The following RBFOX1 variants were observed in gnomAD, a reference collection of about 807,000 sequenced individuals.
The protein encoded by RBFOX1 is RNA binding protein fox-1 homolog 1.
In RBFOX1, 8 loss-of-function variants were observed where a neutral mutation model predicts 57.7. The ratio of observed to expected loss-of-function variants is 0.14; its 90% CI spans 0.08 to 0.25. The LOEUF (loss-of-function observed/expected upper bound fraction) is 0.25. RBFOX1 is among the 10% of genes least tolerant of loss of function. RBFOX1 has a pLI of 1.00. For synonymous variants in RBFOX1, 326 were observed against 222.4 expected, an observed-to-expected ratio of 1.47 and a Z score of -4.15; for missense variants, 611 against 548.5, an observed-to-expected ratio of 1.11 and a Z score of -1.14.
chr16:7,517,029 T>C (rs532347343), intron 4 of RBFOX1, among the ~76,000 whole-genome samples: 1 of 152,212 alleles, frequency 6.6e-6, no homozygotes, highest in East Asian at 1.9e-4. Flanking sequence ...GGCAGCTATT[T>C]GGTGTGCCTA....
intron 2 of RBFOX1, among the ~76,000 whole-genome samples, chr16:5,574,066 G>C (rs1208893158): frequency 6.6e-6 from 1 of 152,216 alleles, no homozygotes; most frequent in African/African-American, 2.4e-5. Flanking sequence ...ATGAGCTCTT[G>C]AGATTTTTAT....
At chr16:6,649,168 A>AT (rs1568039043) in intron 2 of RBFOX1, among the ~76,000 whole-genome samples, 1 of 152,034 alleles carries the variant, frequency 6.6e-6, no homozygotes, top group African/African-American at 2.4e-5. Flanking sequence ...TTTTTAGTAT[A>AT]TTTTTTGTAT....
chr16:6,008,412 C>T (rs150915778), intron 4 of RBFOX1, among the ~76,000 whole-genome samples: 1 of 152,162 alleles, frequency 6.6e-6, no homozygotes, highest in East Asian at 1.9e-4. Flanking sequence ...GAAGAAGATA[C>T]TAAGACAGTA....
chr16:5,652,704 C>T (rs1341960570), intron 3 of RBFOX1, among the ~76,000 whole-genome samples: 2 of 152,146 alleles, frequency 1.3e-5, no homozygotes, highest in African/African-American at 2.4e-5. Flanking sequence ...ATAAATGTGC[C>T]TTTCAGAGAG....
chr16:7,519,593 C>T, intron 5 of RBFOX1: 1 of 461,446 alleles, frequency 2.2e-6, no homozygotes, highest in South Asian at 9.2e-5. Context: ...TTGTGTGCCA[C>T]CTAAAGTAAT....
At chr16:5,539,740 C>G (rs1031054031) in intron 2 of RBFOX1, among the ~76,000 whole-genome samples, 5 of 152,156 alleles carry the variant, frequency 3.3e-5, no homozygotes, top group Non-Finnish European at 5.9e-5. Flanking sequence ...CCATTGTGTT[C>G]TCATGTTGGG....
chr16:7,618,510 G>A (rs550475918), intron 10 of RBFOX1, among the ~76,000 whole-genome samples: 3 of 152,010 alleles, frequency 2.0e-5, no homozygotes, highest in South Asian at 2.1e-4. Flanking sequence ...AATTACCAGC[G>A]ATTTCAAACG....
intron 4 of RBFOX1, among the ~76,000 whole-genome samples, chr16:7,323,608 A>G (rs1161937140): frequency 6.6e-6 from 1 of 152,216 alleles, no homozygotes; most frequent in Non-Finnish European, 1.5e-5. Context: ...GCCTTGGCCA[A>G]TTCACTTCCC....
At chr16:6,375,590 C>A (rs1049301417) in intron 2 of RBFOX1, among the ~76,000 whole-genome samples, 1 of 151,980 alleles carries the variant, frequency 6.6e-6, no homozygotes, top group African/African-American at 2.4e-5. Context: ...GATTCTCTGC[C>A]CCTTCTGTAA....
intron 4 of RBFOX1, among the ~76,000 whole-genome samples, chr16:5,870,845 T>A (rs991890694): frequency 1.2e-4 from 19 of 152,268 alleles, no homozygotes; most frequent in Non-Finnish European, 2.5e-4. Flanking sequence ...TAAGGTCCTT[T>A]TCCTTCTCAA....
At chr16:6,962,490 G>A (rs776837099) in intron 3 of RBFOX1, among the ~76,000 whole-genome samples, 7 of 152,190 alleles carry the variant, frequency 4.6e-5, no homozygotes, top group Admixed American at 3.3e-4. Context: ...TATAGCCGCA[G>A]TGTGTCCCTG....
chr16:6,362,531 A>T (rs1404843659), intron 2 of RBFOX1, among the ~76,000 whole-genome samples: 1 of 152,240 alleles, frequency 6.6e-6, no homozygotes. Flanking sequence ...GTGCCAGGAC[A>T]TATGAAATTA....
At chr16:6,656,945 T>TTCCTC (rs1297301034) in intron 3 of RBFOX1, among the ~76,000 whole-genome samples, 6 of 8,344 alleles carry the variant, frequency 7.2e-4, no homozygotes, top group African/African-American at 1.1e-3. Flanking sequence ...CTCCTCCCCT[T>TTCCTC]TCCTCTCCTC....
chr16:5,667,051 C>T (rs1308631883), intron 3 of RBFOX1, among the ~76,000 whole-genome samples: 1 of 152,210 alleles, frequency 6.6e-6, no homozygotes, highest in African/African-American at 2.4e-5. Context: ...GATAAGATGC[C>T]TGTTCTGCCG....
At chr16:6,007,852 A>C (rs2094936423) in intron 4 of RBFOX1, among the ~76,000 whole-genome samples, 1 of 152,096 alleles carries the variant, frequency 6.6e-6, no homozygotes, top group African/African-American at 2.4e-5. Flanking sequence ...GGGGACATTG[A>C]TGACATCTGT....
intron 4 of RBFOX1, among the ~76,000 whole-genome samples, chr16:7,275,692 G>A (rs1452960474): frequency 1.3e-5 from 2 of 152,192 alleles, no homozygotes; most frequent in African/African-American, 2.4e-5. Context: ...CTCTCTCCCA[G>A]GATTATAGGT....
At chr16:5,562,747 T>A (rs1206918610) in intron 2 of RBFOX1, among the ~76,000 whole-genome samples, 2 of 152,162 alleles carry the variant, frequency 1.3e-5, no homozygotes, top group African/African-American at 4.8e-5. Context: ...TTTTCTGATC[T>A]GTTCAATCGT....
intron 2 of RBFOX1, among the ~76,000 whole-genome samples, chr16:5,494,931 A>T (rs2042953130): frequency 6.6e-6 from 1 of 152,190 alleles, no homozygotes; most frequent in South Asian, 2.1e-4. Context: ...GGCTCCTGTA[A>T]GTGAAGTAGG....
exon 3 of RBFOX1, chr16:5,599,012 A>C (rs746254720): frequency 7.7e-6 from 11 of 1,424,426 alleles, no homozygotes; most frequent in Middle Eastern, 1.7e-4. Flanking sequence ...CTACTTTTGC[A>C]TCCTTTTCAG....
Sources: allele counts gnomAD v4.1 joint callset (sites outside exome capture counted in the v4.1 genomes callset), GRCh38; gene constraint gnomAD v4.1.1; transcripts MANE v1.5; gene names NCBI Gene and HGNC (gene_info 2026-07-23, HGNC 2026-07-21).